The following TBC1D5 variants were observed in gnomAD, a reference collection of about 807,000 sequenced individuals.
TBC1D5 encodes the protein TBC1 domain family, member 5.
TBC1D5 carries 75 observed loss-of-function variants against 100.3 expected under a neutral mutation model. The observed-to-expected ratio is 0.75, with a 90% confidence interval of 0.62 to 0.91. The LOEUF is 0.91. Ranked by LOEUF, TBC1D5 falls within the 40% of genes least tolerant of loss-of-function variation. TBC1D5 has a pLI of 0.00. For synonymous variants in TBC1D5, 323 were observed against 325.6 expected (o/e 0.99, Z 0.09); for missense variants, 910 against 942.4 (o/e 0.97, Z 0.45).
At chr3:17,683,824 G>A (rs1450782588) in intron 1 of TBC1D5, among the ~76,000 whole-genome samples, 1 of 152,128 alleles carries the variant, frequency 6.6e-6, no homozygotes, top group Non-Finnish European at 1.5e-5. Flanking sequence ...AAAGATATGA[G>A]CTCTGTATCT....
intron 1 of TBC1D5, among the ~76,000 whole-genome samples, chr3:17,644,372 A>G (rs930055905): frequency 6.6e-6 from 1 of 152,120 alleles, no homozygotes; most frequent in Non-Finnish European, 1.5e-5. Flanking sequence ...AATACACGGA[A>G]TTATTTTAAT....
chr3:17,628,327 G>A (rs947038454), intron 1 of TBC1D5, among the ~76,000 whole-genome samples: 1 of 150,758 alleles, frequency 6.6e-6, no homozygotes, highest in Non-Finnish European at 1.5e-5. Context: ...CCAAGATCAC[G>A]CCACTGCACT....
Position 17,292,784 on chromosome 3 carries a change from C to T in TBC1D5, c.1139-783G>A, listed in dbSNP as rs1419519165. Among the ~76,000 whole-genome samples the T allele has an allele frequency of 2.0e-5, 3 of 152,138 alleles. No individual in the cohort carries two copies. The East Asian group carries it at 5.8e-4, about 29-fold the overall frequency. The stretch of plus-strand genomic sequence containing the variant: ...GCTTTATGAACCACACTGACTGCCT[C>T]CACAGCACTGACTGTGAAGAAACTT... On this transcript the variant is annotated intron_variant, in intron 14 of 21. Transcript: ENST00000253692.
intron 3 of TBC1D5, among the ~76,000 whole-genome samples, chr3:17,464,719 CTT>C (rs1205922369): frequency 2.0e-5 from 3 of 152,134 alleles, no homozygotes; most frequent in Non-Finnish European, 4.4e-5. Flanking sequence ...TGAATCATCT[CTT>C]TTTTTCATCT....
At chr3:17,315,704 G>A (rs1206420308) in intron 13 of TBC1D5, among the ~76,000 whole-genome samples, 1 of 152,160 alleles carries the variant, frequency 6.6e-6, no homozygotes, top group Non-Finnish European at 1.5e-5. Flanking sequence ...ATGCAAAGTG[G>A]AAATAAATGA....
chr3:17,303,833 CTTTTTTTTTTTTTTTTTT>C (rs140988557), intron 14 of TBC1D5, among the ~76,000 whole-genome samples: 1 of 84,486 alleles, frequency 1.2e-5, no homozygotes, highest in African/African-American at 4.9e-5. Flanking sequence ...CAATCTACCT[CTTTTTTTTTTTTTTTTTT>C]TTTTTTTTTT....
intron 2 of TBC1D5, among the ~76,000 whole-genome samples, chr3:17,517,644 T>G (rs1286295713): frequency 1.3e-5 from 2 of 152,182 alleles, no homozygotes; most frequent in African/African-American, 4.8e-5. Flanking sequence ...AAGCAGAGTT[T>G]GAAAGTATTT....
rs553373261 is a variant in TBC1D5 at position 17,630,417 on chromosome 3, CATT to C, written c.-100-6507_-100-6505del. 3.7e-3 allele frequency among the ~76,000 whole-genome samples: 565 copies of C among 152,248 alleles called. 3 individuals carry two copies. The highest frequency in any genetic ancestry group is 0.014 in the Middle Eastern group (4 of 294). On this transcript the variant is annotated intron_variant, in intron 1 of 21. Transcript: ENST00000253692. Reference sequence around the variant, plus strand: ...ATTCTCACAATATTTCAAATGTTTTCATTATTATCATATCTGCTATGGTGAACT... The same window carrying C: ...ATTCTCACAATATTTCAAATGTTTTCATTATCATATCTGCTATGGTGAACT...
chr3:17,340,461 T>C (rs1478051125), intron 13 of TBC1D5, among the ~76,000 whole-genome samples: 1 of 152,162 alleles, frequency 6.6e-6, no homozygotes, highest in East Asian at 1.9e-4. Flanking sequence ...GGTGCAGCCA[T>C]GGCTGAGGGG....
At chr3:17,562,948 A>G (rs921564725) in intron 2 of TBC1D5, among the ~76,000 whole-genome samples, 3 of 152,260 alleles carry the variant, frequency 2.0e-5, no homozygotes, top group Non-Finnish European at 4.4e-5. Context: ...CCTGTAATGC[A>G]GAAAAACAAT....
chr3:17,678,627 C>T (rs1417594821), intron 1 of TBC1D5, among the ~76,000 whole-genome samples: 1 of 137,344 alleles, frequency 7.3e-6, no homozygotes, highest in East Asian at 2.0e-4. Flanking sequence ...TACACTGGTG[C>T]TGAATCTCCA....
At chr3:17,637,219 T>TTC (rs2064042048) in intron 1 of TBC1D5, among the ~76,000 whole-genome samples, 1 of 136,132 alleles carries the variant, frequency 7.3e-6, no homozygotes, top group Non-Finnish European at 1.5e-5. Context: ...TTTTTTTTTT[T>TTC]ATTTAGTAGA....
chr3:17,329,448 T>C (rs1403095889), intron 13 of TBC1D5, among the ~76,000 whole-genome samples: 1 of 152,208 alleles, frequency 6.6e-6, no homozygotes, highest in Non-Finnish European at 1.5e-5. Flanking sequence ...CTTAATTTTA[T>C]GGGAACTTGG....
intron 13 of TBC1D5, among the ~76,000 whole-genome samples, chr3:17,308,587 C>T (rs1376083322): frequency 1.3e-5 from 2 of 152,174 alleles, no homozygotes; most frequent in Non-Finnish European, 2.9e-5. Context: ...TAGAAAACTG[C>T]GTTCTCACAT....
chr3:17,599,240 C>T lies in TBC1D5; in HGVS notation c.-36+24609G>A, dbSNP rs934169925. On this transcript the variant is annotated intron_variant, in intron 2 of 21. Coordinates refer to ENST00000253692, the Ensembl canonical transcript of TBC1D5. ...AAATGAAAAGTTATCCCTGTTTCCC[C>T]GCCCAAATGTTGCTTTTTCCAAAAC... Among the ~76,000 whole-genome samples the T allele has an allele frequency of 3.3e-5, 5 of 152,188 alleles. No homozygotes were observed. The South Asian group carries it at 6.2e-4, about 19-fold the overall frequency.
At chr3:17,645,864 C>T (rs1226538890) in intron 1 of TBC1D5, among the ~76,000 whole-genome samples, 1 of 152,046 alleles carries the variant, frequency 6.6e-6, no homozygotes, top group Non-Finnish European at 1.5e-5. Flanking sequence ...AGCATTCTCT[C>T]AGGAAAACAT....
At chr3:17,546,548 G>T (rs745347622) in intron 2 of TBC1D5, among the ~76,000 whole-genome samples, 1 of 151,786 alleles carries the variant, frequency 6.6e-6, no homozygotes, top group Admixed American at 6.6e-5. Flanking sequence ...TGGATTGCCT[G>T]AGCTCAGGAG....
At chr3:17,607,047 T>C (rs1327642815) in intron 2 of TBC1D5, among the ~76,000 whole-genome samples, 1 of 152,220 alleles carries the variant, frequency 6.6e-6, no homozygotes, top group East Asian at 1.9e-4. Flanking sequence ...AACTATTAGA[T>C]TAAAATCAGT....
intron 13 of TBC1D5, among the ~76,000 whole-genome samples, chr3:17,312,550 T>C (rs1025005717): frequency 1.3e-5 from 2 of 152,152 alleles, no homozygotes; most frequent in Non-Finnish European, 2.9e-5. Context: ...CCAGCTTGAA[T>C]TTGCCTTTTT....
Sources: gnomAD v4.1 joint callset for allele counts (sites outside exome capture counted in the v4.1 genomes callset) on GRCh38, gnomAD v4.1.1 for gene constraint, MANE v1.5 for transcripts, NCBI Gene and HGNC (gene_info 2026-07-23, HGNC 2026-07-21) for gene names.